The following TENM3 variants were observed in gnomAD, a reference collection of about 807,000 sequenced individuals.
TENM3 encodes the protein teneurin-3.
A neutral mutation model predicts 255.1 loss-of-function variants in TENM3; 63 were observed. That is an observed-to-expected ratio of 0.25 (90% CI 0.20 to 0.30). The LOEUF (loss-of-function observed/expected upper bound fraction) is 0.30. Ranked by LOEUF, TENM3 falls within the 10% of genes least tolerant of loss-of-function variation. The pLI, the probability that TENM3 is intolerant of heterozygous loss-of-function variation, is 1.00. For synonymous variants in TENM3, 1,306 were observed against 1,322.3 expected (o/e 0.99, Z 0.27); for missense variants, 2,929 against 3,461.1 (o/e 0.85, Z 3.86).
intron 1 of TENM3, among the ~76,000 whole-genome samples, chr4:182,264,997 C>G (rs527814352): frequency 6.6e-6 from 1 of 151,066 alleles, no homozygotes; most frequent in African/African-American, 2.4e-5. Flanking sequence ...TTAATGCACA[C>G]GAGAGGCCCT....
At chr4:181,926,553 T>G in the TENM3 span, among the ~76,000 whole-genome samples, 4 of 151,950 alleles carry the variant, frequency 2.6e-5, no homozygotes, top group Non-Finnish European at 4.4e-5. Flanking sequence ...CCTGCTAAGG[T>G]TTTTTGGGTT....
the TENM3 span, among the ~76,000 whole-genome samples, chr4:181,701,031 G>A: frequency 6.6e-6 from 1 of 152,070 alleles, no homozygotes; most frequent in African/African-American, 2.4e-5. Context: ...GGTGAAAGTG[G>A]TGTCATTCTA....
At chr4:181,612,528 G>GTC in the TENM3 span, among the ~76,000 whole-genome samples, 18 of 151,994 alleles carry the variant, frequency 1.2e-4, no homozygotes, top group East Asian at 3.3e-3. Context: ...GTGTGTCAGA[G>GTC]AGAGAGAGAG....
At chr4:181,999,269 G>A in the TENM3 span, among the ~76,000 whole-genome samples, 2 of 152,120 alleles carry the variant, frequency 1.3e-5, no homozygotes, top group Non-Finnish European at 2.9e-5. Flanking sequence ...AAAAAGTCAG[G>A]ACTTAAAGAC....
the TENM3 span, among the ~76,000 whole-genome samples, chr4:181,695,183 T>C: frequency 1.3e-5 from 2 of 152,324 alleles, no homozygotes; most frequent in Admixed American, 1.3e-4. Context: ...ATTTGTACAA[T>C]TGATTATGTA....
the TENM3 span, among the ~76,000 whole-genome samples, chr4:181,611,318 C>T: frequency 2.0e-5 from 3 of 152,188 alleles, no homozygotes; most frequent in South Asian, 6.2e-4. Context: ...TCCTCAGGCA[C>T]ATTAGAGGAG....
chr4:182,731,593 C>T (rs1445144202), intron 16 of TENM3, among the ~76,000 whole-genome samples: 4 of 151,400 alleles, frequency 2.6e-5, no homozygotes, highest in Non-Finnish European at 1.5e-5. Flanking sequence ...AAGACCCTGT[C>T]TCAAAAAAAG....
rs970722204 is a variant in TENM3 at position 182,799,906 on chromosome 4, C to G, written c.7655C>G (p.Thr2552Ser). ...AAGGACACGCACTACTTCATCAAGA[C>G]CACCACGCCCGAGAGCGACCTGGGC... Reference protein sequence around the residue: ...EGKDTHYFIKTTTPESDLGTL... With the variant: ...EGKDTHYFIKSTTPESDLGTL... Residue 2552 changes from threonine to serine, a missense_variant, in exon 28 of 28, where the codon ACC becomes AGC. Around this residue, in one of 6 missense-constraint regions of TENM3, gnomAD observed 476 missense variants for 480.1 expected, o/e 0.99. Transcript: ENST00000511685. The surrounding 1 kb of genome is among the most constrained non-coding windows in gnomAD (Gnocchi z 4.2). The G allele has an allele frequency of 6.2e-7, 1 of 1,607,198 alleles. No individual in the cohort carries two copies. The highest frequency in any genetic ancestry group is 1.3e-5 in the African/African-American group (1 of 74,800).
the TENM3 span, among the ~76,000 whole-genome samples, chr4:181,801,354 C>G: frequency 1.3e-5 from 2 of 152,024 alleles, no homozygotes; most frequent in Middle Eastern, 3.2e-3. Flanking sequence ...AGGAAAAGTA[C>G]TATTGTATTG....
chr4:182,211,779 C>T (rs912003458), intron 1 of TENM3, among the ~76,000 whole-genome samples: 1 of 152,060 alleles, frequency 6.6e-6, no homozygotes, highest in Non-Finnish European at 1.5e-5. Context: ...ATATTAAATA[C>T]ATTTGATTGT....
At chr4:182,130,468 T>A in the TENM3 span, among the ~76,000 whole-genome samples, 1 of 152,208 alleles carries the variant, frequency 6.6e-6, no homozygotes, top group Non-Finnish European at 1.5e-5. Context: ...CATTGTACTA[T>A]GTGTTTAAGT....
chr4:182,783,947 A>G (rs935592621), intron 24 of TENM3, among the ~76,000 whole-genome samples: 8 of 152,062 alleles, frequency 5.3e-5, no homozygotes, highest in African/African-American at 1.9e-4. Flanking sequence ...TATTCTAGTT[A>G]TACATTCTTC....
chr4:181,650,149 G>A, the TENM3 span, among the ~76,000 whole-genome samples: 34 of 152,154 alleles, frequency 2.2e-4, no homozygotes, highest in African/African-American at 5.8e-4. Context: ...TCAAACTGGC[G>A]TATCACTCTG....
chr4:182,055,685 T>C, the TENM3 span, among the ~76,000 whole-genome samples: 1 of 152,118 alleles, frequency 6.6e-6, no homozygotes, highest in Admixed American at 6.5e-5. Context: ...TGGGCCATCT[T>C]GTAGGATTAA....
intron 12 of TENM3, among the ~76,000 whole-genome samples, chr4:182,712,072 T>C (rs1186525107): frequency 6.6e-6 from 1 of 152,202 alleles, no homozygotes; most frequent in East Asian, 1.9e-4. Flanking sequence ...TTCTTTGGTT[T>C]TTTTCCTAAA....
chr4:182,716,939 A>G (rs544965608), intron 13 of TENM3, among the ~76,000 whole-genome samples: 4 of 152,300 alleles, frequency 2.6e-5, no homozygotes, highest in East Asian at 1.9e-4. Context: ...GAAGAGCCCA[A>G]TGTGGCCCTA....
the TENM3 span, among the ~76,000 whole-genome samples, chr4:181,517,736 C>A: frequency 2.0e-5 from 3 of 152,164 alleles, no homozygotes; most frequent in South Asian, 4.1e-4. Context: ...CACACGCTAT[C>A]CTGTGTACCA....
chr4:182,235,097 C>T (rs900064149), intron 1 of TENM3, among the ~76,000 whole-genome samples: 1 of 152,184 alleles, frequency 6.6e-6, no homozygotes, highest in African/African-American at 2.4e-5. Context: ...TTCCCCCACT[C>T]TGCCCCGCCA....
chr4:182,131,000 C>T, the TENM3 span, among the ~76,000 whole-genome samples: 1 of 152,056 alleles, frequency 6.6e-6, no homozygotes, highest in Non-Finnish European at 1.5e-5. Context: ...TATTTGATAA[C>T]AGTTCAGTTT....
Sources: allele counts gnomAD v4.1 joint callset (sites outside exome capture counted in the v4.1 genomes callset), GRCh38; gene constraint gnomAD v4.1.1; regional missense constraint gnomAD v4.1.1; non-coding constraint Gnocchi (gnomAD v3.1); transcripts MANE v1.5; gene names NCBI Gene and HGNC (gene_info 2026-07-23, HGNC 2026-07-21).